Variants in CELSR1 observed in about 807,000 individuals in gnomAD.
CELSR1 encodes adhesion G protein-coupled receptor C1.
In CELSR1, 110 loss-of-function variants were observed where a neutral mutation model predicts 249.1. The observed-to-expected ratio is 0.44, with a 90% CI of 0.38 to 0.52. The LOEUF (loss-of-function observed/expected upper bound fraction) is 0.52, where lower values mean the gene tolerates loss of function less well. Ranked by LOEUF, CELSR1 falls within the 20% of genes least tolerant of loss-of-function variation. The pLI is 0.00. For missense variants in CELSR1, 4,109 were observed against 4,296.4 expected (o/e 0.96, Z 1.22); for synonymous variants, 2,113 against 1,900.0 (o/e 1.11, Z -2.92).
At chr22:46,528,987 C>T (rs1017559956) in intron 1 of CELSR1, among the ~76,000 whole-genome samples, 3 of 150,270 alleles carry the variant, frequency 2.0e-5, no homozygotes, top group African/African-American at 4.9e-5. Flanking sequence ...GATCCTGGGC[C>T]GGGCACAGTG....
At chr22:46,513,118 G>A (rs1298742959) in intron 1 of CELSR1, among the ~76,000 whole-genome samples, 2 of 152,162 alleles carry the variant, frequency 1.3e-5, no homozygotes, top group East Asian at 1.9e-4. Flanking sequence ...CCACCATCAC[G>A]GGCGCCTCTC....
In CELSR1 at chr22:46,413,301, G is replaced by A. The variant is rs2079359705; in HGVS notation, c.4612-1542C>T. 6.6e-6 allele frequency among the ~76,000 whole-genome samples: 1 copy of A among 152,224 alleles called. No homozygotes were observed. Among genetic ancestry groups the A allele is most frequent in the African/African-American group, 2.4e-5 (1 of 41,456 alleles). On this transcript the variant is annotated intron_variant, in intron 5 of 34. Coordinates refer to ENST00000674500, the MANE Select transcript of CELSR1 (RefSeq NM_001378328.1). The surrounding 1 kb of genome is among the most constrained non-coding windows in gnomAD (Gnocchi z 4.7). ...ACAACTGGAAACAGGAGCTCAGCCA[G>A]ATGGCCAAGTTGCATGACTTCTGGG...
chr22:46,520,152 G>C (rs1045491522), intron 1 of CELSR1, among the ~76,000 whole-genome samples: 1 of 152,168 alleles, frequency 6.6e-6, no homozygotes, highest in South Asian at 2.1e-4. Context: ...GGAATTACAG[G>C]CGTGAGCCAC....
chr22:46,376,961 G>A, intron 24 of CELSR1, 100 bp downstream of exon 24: 1 of 1,209,180 alleles, frequency 8.3e-7, no homozygotes, highest in Non-Finnish European at 1.2e-6. Flanking sequence ...GGGGTGGTGA[G>A]GAGGAGCTAG....
Position 46,536,468 on chromosome 22 carries a change from G to T in CELSR1, c.703C>A (p.Arg235=). The stretch of plus-strand genomic sequence containing the variant: ...AGGCTCCCTCTGCCGCTCGTGCCCC[G>T]CCGGGCCCGTCGCGCCGGCCCCGCC... The part of the protein sequence containing the change: ...ARAGPARRAR[R]GTSGRGSLKF... The change falls in exon 1 of 35, where the codon CGG becomes AGG. Residue 235 remains arginine, a synonymous_variant. Coordinates refer to ENST00000674500, the MANE Select transcript of CELSR1 (RefSeq NM_001378328.1). 1.2e-6 allele frequency: 2 copies of T among 1,606,410 alleles called. No homozygotes were observed. Among genetic ancestry groups the T allele is most frequent in the Middle Eastern group, 1.7e-4 (1 of 6,034 alleles).
intron 28 of CELSR1, among the ~76,000 whole-genome samples, chr22:46,367,337 T>G (rs2078797116): frequency 6.6e-6 from 1 of 152,228 alleles, no homozygotes; most frequent in African/African-American, 2.4e-5. Flanking sequence ...ACCCCCGGTG[T>G]GCTGGAGGCA....
At chr22:46,377,848 CA>C (rs2147206763) in intron 23 of CELSR1, among the ~76,000 whole-genome samples, 1 of 152,356 alleles carries the variant, frequency 6.6e-6, no homozygotes, top group Admixed American at 6.5e-5. Flanking sequence ...TGACAGAAAC[CA>C]GGGCCACTTC....
rs2080848410 is a variant in CELSR1 at position 46,535,895 on chromosome 22, G to A, written c.1276C>T (p.Leu426=). 1 of 1,609,118 alleles carries A rather than the reference G, an allele frequency of 6.2e-7. No homozygotes were observed. The highest frequency in any genetic ancestry group is 1.7e-5 in the Admixed American group (1 of 59,914). ...DREEAAEYQL[L]VEANDQGRNP... is the part of the protein sequence containing the mutation. The stretch of plus-strand genomic sequence containing the variant: ...CGCCCCTGGTCGTTGGCCTCCACCA[G>A]GAGCTGGTACTCGGCCGCCTCCTCC... The change falls in exon 1 of 35, where the codon CTG becomes TTG. Residue 426 remains leucine, a synonymous_variant. Coordinates refer to ENST00000674500, the MANE Select transcript of CELSR1 (RefSeq NM_001378328.1).
At chr22:46,444,704 A>G (rs1480723809) in intron 2 of CELSR1, among the ~76,000 whole-genome samples, 1 of 152,196 alleles carries the variant, frequency 6.6e-6, no homozygotes, top group African/African-American at 2.4e-5. Context: ...GCTTAAAACA[A>G]CAGAAATTCA....
At position 46,391,062 on chromosome 22, in the gene CELSR1, C is replaced by T; in HGVS notation, c.6250+124G>A. 2.6e-6 allele frequency: 2 copies of T among 758,956 alleles called. No homozygotes were observed. The highest frequency in any genetic ancestry group is 2.7e-5 in the East Asian group (1 of 36,958). The allele number at this position is 758,956 out of a possible 1,614,324, so 47.0% of individuals were successfully genotyped here. A position where few individuals can be genotyped will look rare whatever the true frequency, so the allele number is the denominator to read the frequency against. ...GTAGGGAAAAGGCGATCGGATTTCT[C>T]CCCAGCACTTTGCCTGCGGATATTT... is the stretch of plus-strand genomic sequence containing the variant. On this transcript the variant is annotated intron_variant, in intron 16 of 34. Transcript: ENST00000674500. This position sits in a 1 kb window ranked among gnomAD's most constrained non-coding sequence, Gnocchi z 4.3.
At position 46,463,785 on chromosome 22, in the gene CELSR1, A is replaced by C. The variant is rs2080061880; in HGVS notation, c.4105T>G (p.Ser1369Ala). 1 of 1,602,022 alleles carries C rather than the reference A, an allele frequency of 6.2e-7. No homozygotes were observed. The highest frequency in any genetic ancestry group is 8.5e-7 in the Non-Finnish European group (1 of 1,174,432). Residue 1369 changes from serine (S) to alanine (A), a missense_variant, in exon 2 of 35, where the codon TCC (serine) becomes GCC (alanine). Transcript: ENST00000674500. The part of the protein sequence containing the change: ...YCETEIDLCY[S>A]DPCGANGRCR... ...CGGCCGTTGGCGCCGCACGGGTCGG[A>C]GTAGCAGAGGTCGATCTCCGTCTCG...
Position 46,443,780 on chromosome 22 carries a change from G to A in CELSR1, c.4184-4369C>T, listed in dbSNP as rs184254011. Among the ~76,000 whole-genome samples the A allele has an allele frequency of 7.9e-5, 12 of 152,372 alleles. No individual in the cohort carries two copies. In the East Asian group the frequency reaches 9.6e-4, roughly 12 times the overall value. On this transcript the variant is annotated intron_variant, in intron 2 of 34. Transcript: ENST00000674500. ...CACTCATATGAGCAAGTCAGTGCTCGTGGCTTCCTGGCCTTTGTAAATCCC... is the reference window on the plus strand; with the variant it reads ...CACTCATATGAGCAAGTCAGTGCTCATGGCTTCCTGGCCTTTGTAAATCCC...
rs191459079 is a variant in CELSR1, at chr22:46,464,287, G to T, written c.3603C>A (p.Asp1201Glu). The change falls in exon 2 of 35, where the codon GAC becomes GAA. Residue 1201 changes from aspartate (D) to glutamate (E), a missense_variant. By Grantham distance (45) the Asp-to-Glu change is conservative. Transcript: ENST00000674500. This position sits in a 1 kb window ranked among gnomAD's most constrained non-coding sequence, Gnocchi z 8.5. ...GGACAGTGATGCTGTTGGTCAGCATGTCGTCCGTGATGATGGTGACACGCA... is the reference window on the plus strand; with the variant it reads ...GGACAGTGATGCTGTTGGTCAGCATTTCGTCCGTGATGATGGTGACACGCA... Reference protein sequence around the residue: ...CTLRVTIITDDMLTNSITVRL... With the variant: ...CTLRVTIITDEMLTNSITVRL... 3.1e-6 allele frequency: 5 copies of T among 1,613,588 alleles called. No individual in the cohort carries two copies. In the East Asian group the frequency reaches 1.1e-4, roughly 36 times the overall value.
chr22:46,371,875 ATCCATCCATCCATCCACCCACCTC>A (rs1431591090), intron 25 of CELSR1, among the ~76,000 whole-genome samples: 6 of 141,234 alleles, frequency 4.2e-5, no homozygotes, highest in East Asian at 2.2e-4. Context: ...CAATCCATCC[ATCCATCCATCCATCCACCCACCTC>A]TCCATCCCTC....
At position 46,536,075 on chromosome 22, in the gene CELSR1, G is replaced by C; in HGVS notation, c.1096C>G (p.Leu366Val). The C allele has an allele frequency of 6.2e-7, 1 of 1,611,546 alleles. No individual in the cohort carries two copies. The highest frequency in any genetic ancestry group is 2.2e-5 in the East Asian group (1 of 44,884). The change falls in exon 1 of 35, where the codon CTG becomes GTG. Residue 366 changes from leucine (L) to valine (V), a missense_variant. Leu to Val is a conservative substitution (Grantham distance 32). Coordinates refer to ENST00000674500, the MANE Select transcript of CELSR1 (RefSeq NM_001378328.1). ...GTCAGCACCTCGTAGCCCACCTCCA[G>C]GTTCTCCCGCACGCGCTCGCGGTAC... ...SEYRERVREN[L>V]EVGYEVLTIR...
At chr22:46,439,855 T>C (rs1170273707) in intron 2 of CELSR1, among the ~76,000 whole-genome samples, 1 of 152,072 alleles carries the variant, frequency 6.6e-6, no homozygotes, top group Non-Finnish European at 1.5e-5. Flanking sequence ...TCGTCAGAGA[T>C]TTGGAGCATG....
chr22:46,376,487 G>A (rs2078919429), intron 24 of CELSR1, among the ~76,000 whole-genome samples: 1 of 152,164 alleles, frequency 6.6e-6, no homozygotes, highest in African/African-American at 2.4e-5. Context: ...CAATTCTCCT[G>A]CCTCAGCCTC....
chr22:46,438,733 TACAA>T (rs2079698078), intron 3 of CELSR1, among the ~76,000 whole-genome samples: 1 of 152,006 alleles, frequency 6.6e-6, no homozygotes, highest in East Asian at 1.9e-4. Context: ...GGTTAAGGGG[TACAA>T]ACAAAGACAC....
In CELSR1 at chr22:46,397,727, G is replaced by A. The variant is rs369237672; in HGVS notation, c.5648C>T (p.Pro1883Leu). ...DDPCTSSPCP[P>L]NSRCHDAWED... The stretch of plus-strand genomic sequence containing the variant: ...CCAGGCGTCGTGGCAGCGGCTATTG[G>A]GGGGACAGGGGCTCGAGGTACAGGG... The change falls in exon 12 of 35, where the codon CCC becomes CTC. Residue 1883 changes from proline (P) to leucine (L), a missense_variant. Coordinates refer to ENST00000674500, the MANE Select transcript of CELSR1 (RefSeq NM_001378328.1). 6.3e-7 allele frequency: 1 copy of A among 1,588,616 alleles called. No individual in the cohort carries two copies. The highest frequency in any genetic ancestry group is 8.6e-7 in the Non-Finnish European group (1 of 1,166,354).
Sources: allele counts gnomAD v4.1 joint callset (sites outside exome capture counted in the v4.1 genomes callset), GRCh38; gene constraint gnomAD v4.1.1; non-coding constraint Gnocchi (gnomAD v3.1); transcripts MANE v1.5; gene names NCBI Gene and HGNC (gene_info 2026-07-23, HGNC 2026-07-21).